The following SH3RF3 variants were observed in gnomAD, a reference collection of about 807,000 sequenced individuals.
SH3RF3 encodes E3 ubiquitin-protein ligase SH3RF3.
A neutral mutation model predicts 66.3 loss-of-function variants in SH3RF3; 29 were observed. The observed-to-expected ratio is 0.44, with a 90% CI of 0.33 to 0.60. The LOEUF is 0.60. SH3RF3 is among the 20% of genes least tolerant of loss of function. SH3RF3 has a pLI of 0.04. For missense variants in SH3RF3, 1,194 were observed against 1,190.9 expected, an observed-to-expected ratio of 1.00 and a Z score of -0.04; for synonymous variants, 583 against 532.0, an observed-to-expected ratio of 1.10 and a Z score of -1.32.
chr2:109,273,946 G>A (rs1680687800), intron 1 of SH3RF3, among the ~76,000 whole-genome samples: 1 of 152,154 alleles, frequency 6.6e-6, no homozygotes, highest in African/African-American at 2.4e-5. Flanking sequence ...AGGGCTATGT[G>A]ACTTTCTGTA....
At position 109,501,993 on chromosome 2, in the gene SH3RF3, G is replaced by T; in HGVS notation, c.*322G>T. The T allele has an allele frequency of 3.4e-6, 1 of 291,692 alleles. No homozygotes were observed. Among genetic ancestry groups the T allele is most frequent in the Non-Finnish European group, 6.6e-6 (1 of 151,494 alleles). 18.1% of individuals were successfully genotyped at this position (291,692 alleles called of 1,614,324 possible). A position where few individuals can be genotyped will look rare whatever the true frequency, so the allele number is the denominator to read the frequency against. Reference sequence around the variant, plus strand: ...GGCTGTGGTTTGCAGCCATGGCAGCGTTCTCATTTACCACCTAAGCAGGGT... The same window carrying T: ...GGCTGTGGTTTGCAGCCATGGCAGCTTTCTCATTTACCACCTAAGCAGGGT... On this transcript the variant is annotated 3_prime_UTR_variant, in exon 10 of 10. Coordinates refer to ENST00000309415, the MANE Select transcript of SH3RF3 (RefSeq NM_001099289.3).
At chr2:109,343,746 T>C (rs1181419577) in intron 1 of SH3RF3, among the ~76,000 whole-genome samples, 1 of 148,244 alleles carries the variant, frequency 6.7e-6, no homozygotes, top group Non-Finnish European at 1.5e-5. Context: ...CTGGTTTCCT[T>C]TTTTTTTTTT....
Position 109,398,693 on chromosome 2 carries a change from G to T in SH3RF3, c.1049G>T (p.Ser350Ile), listed in dbSNP as rs369969380. 3.7e-5 allele frequency: 59 copies of T among 1,611,232 alleles called. No individual in the cohort carries two copies. Among genetic ancestry groups the T allele is most frequent in the African/African-American group, 2.5e-4 (19 of 74,886 alleles). ...SLPSDSGAVA[S>I]VAPSPTLSSS... is the part of the protein sequence containing the mutation. ...CCCTCTGACTCCGGCGCTGTGGCCA[G>T]CGTGGCCCCAAGTCCCACTTTAAGC... Residue 350 changes from serine (S) to isoleucine (I), a missense_variant, in exon 4 of 10, where the codon AGC (serine) becomes ATC (isoleucine). Ser to Ile is a moderately radical substitution (Grantham distance 142). Transcript: ENST00000309415.
intron 1 of SH3RF3, among the ~76,000 whole-genome samples, chr2:109,265,018 C>T (rs1350563105): frequency 1.3e-5 from 2 of 152,226 alleles, no homozygotes; most frequent in East Asian, 3.9e-4. Flanking sequence ...CATCATCAGC[C>T]TGGGGAACCT....
chr2:109,339,985 T>C (rs1305721581), intron 1 of SH3RF3, among the ~76,000 whole-genome samples: 2 of 152,348 alleles, frequency 1.3e-5, no homozygotes, highest in Non-Finnish European at 2.9e-5. Flanking sequence ...CGCTTTGTGA[T>C]GCTGAGGAAT....
chr2:109,471,350 C>T (rs777205815), intron 8 of SH3RF3, among the ~76,000 whole-genome samples: 4 of 152,002 alleles, frequency 2.6e-5, no homozygotes, highest in Non-Finnish European at 5.9e-5. Context: ...GGGAAGCAAG[C>T]ACCTTCTTCA....
intron 1 of SH3RF3, among the ~76,000 whole-genome samples, chr2:109,287,820 T>C (rs1438261126): frequency 6.6e-6 from 1 of 152,228 alleles, no homozygotes; most frequent in East Asian, 1.9e-4. Context: ...TTTAGGGCGC[T>C]GCACTCTCCT....
At chr2:109,374,748 G>A (rs946731796) in intron 3 of SH3RF3, among the ~76,000 whole-genome samples, 1 of 152,194 alleles carries the variant, frequency 6.6e-6, no homozygotes, top group African/African-American at 2.4e-5. Flanking sequence ...CGCTCCAGCC[G>A]GGATCTGCAG....
At chr2:109,217,294 C>T (rs759307922) in intron 1 of SH3RF3, among the ~76,000 whole-genome samples, 1 of 151,952 alleles carries the variant, frequency 6.6e-6, no homozygotes, top group Non-Finnish European at 1.5e-5. Context: ...TTTTCAAATA[C>T]AGAGTCCTTG....
chr2:109,369,740 C>T (rs1440840916), intron 2 of SH3RF3, among the ~76,000 whole-genome samples: 1 of 152,198 alleles, frequency 6.6e-6, no homozygotes, highest in Admixed American at 6.5e-5. Context: ...GGCTGTCCAG[C>T]TCTGTTAGAT....
rs79453507 is a variant in SH3RF3 at position 109,395,697 on chromosome 2, G to A, written c.946-2893G>A. ...CTTGTGAGCAGCCTCTCGGGGACAC[G>A]TGCTGGTGGCCGCCCAGTGCTCAGT... On this transcript the variant is annotated intron_variant, in intron 3 of 9. Coordinates refer to ENST00000309415, the MANE Select transcript of SH3RF3 (RefSeq NM_001099289.3). 3.6e-4 allele frequency among the ~76,000 whole-genome samples: 55 copies of A among 152,356 alleles called. 2 individuals are homozygous for A. In the East Asian group the frequency reaches 8.5e-3, roughly 24 times the overall value.
At chr2:109,480,834 G>C (rs958757823) in intron 8 of SH3RF3, among the ~76,000 whole-genome samples, 4 of 152,186 alleles carry the variant, frequency 2.6e-5, no homozygotes, top group African/African-American at 9.7e-5. Flanking sequence ...CTCATGGAGG[G>C]CGGTTCGCTG....
chr2:109,477,577 A>G (rs1227386092), intron 8 of SH3RF3, among the ~76,000 whole-genome samples: 1 of 151,902 alleles, frequency 6.6e-6, no homozygotes, highest in Non-Finnish European at 1.5e-5. Context: ...CGCCTGTTGT[A>G]GTCCCTTGAG....
At chr2:109,304,508 C>T (rs1007761585) in intron 1 of SH3RF3, among the ~76,000 whole-genome samples, 1 of 152,168 alleles carries the variant, frequency 6.6e-6, no homozygotes, top group Non-Finnish European at 1.5e-5. Context: ...AGTCTCCTCT[C>T]TCCAACCCCA....
intron 1 of SH3RF3, among the ~76,000 whole-genome samples, chr2:109,149,907 C>T (rs376535497): frequency 2.3e-3 from 343 of 152,320 alleles, no homozygotes; most frequent in African/African-American, 7.8e-3. Flanking sequence ...AGGTTGAAAT[C>T]ACTTTTTAAT....
At chr2:109,423,624 A>G (rs1238471168) in intron 5 of SH3RF3, among the ~76,000 whole-genome samples, 2 of 152,178 alleles carry the variant, frequency 1.3e-5, no homozygotes, top group Non-Finnish European at 2.9e-5. Flanking sequence ...CCAGGCTTGG[A>G]ACGAAGGCCT....
chr2:109,431,837 C>T (rs1677224591), intron 5 of SH3RF3, among the ~76,000 whole-genome samples: 1 of 151,896 alleles, frequency 6.6e-6, no homozygotes, highest in African/African-American at 2.4e-5. Flanking sequence ...TACCACTGCA[C>T]TCCAGCCTGG....
intron 1 of SH3RF3, among the ~76,000 whole-genome samples, chr2:109,339,842 G>A (rs1682518404): frequency 6.6e-6 from 1 of 152,108 alleles, no homozygotes; most frequent in Non-Finnish European, 1.5e-5. Flanking sequence ...CTGGCCCAAC[G>A]GATGACTGAC....
At chr2:109,476,691 A>C (rs1372195183) in intron 8 of SH3RF3, among the ~76,000 whole-genome samples, 1 of 152,228 alleles carries the variant, frequency 6.6e-6, no homozygotes, top group African/African-American at 2.4e-5. Flanking sequence ...ATTCAGGGTG[A>C]GTCTGTAAAG....
Sources: allele counts gnomAD v4.1 joint callset (sites outside exome capture counted in the v4.1 genomes callset), GRCh38; gene constraint gnomAD v4.1.1; transcripts MANE v1.5; gene names NCBI Gene and HGNC (gene_info 2026-07-23, HGNC 2026-07-21).